MYOM1: variants seen among roughly 807,000 people sequenced by gnomAD.
MYOM1 encodes myomesin-1.
A neutral mutation model predicts 205.3 loss-of-function variants in MYOM1; 164 were observed. That is an observed-to-expected ratio of 0.80 (90% CI 0.70 to 0.91). The LOEUF (loss-of-function observed/expected upper bound fraction) is 0.91. Ranked by LOEUF, MYOM1 falls within the 40% of genes least tolerant of loss-of-function variation. MYOM1 has a pLI of 0.00. For synonymous variants in MYOM1, 772 were observed against 789.4 expected (o/e 0.98, Z 0.37); for missense variants, 2,011 against 2,127.3 (o/e 0.95, Z 1.08).
At chr18:3,185,029 A>G (rs930400667) in intron 5 of MYOM1, among the ~76,000 whole-genome samples, 21 of 152,206 alleles carry the variant, frequency 1.4e-4, no homozygotes, top group African/African-American at 5.1e-4. Context: ...CAGTATTTCT[A>G]TTTTTGAATT....
intron 25 of MYOM1, among the ~76,000 whole-genome samples, chr18:3,097,587 T>C (rs947696098): frequency 6.6e-6 from 1 of 151,790 alleles, no homozygotes; most frequent in African/African-American, 2.4e-5. Context: ...TTTGTATTTT[T>C]GTAGAGATAG....
chr18:3,223,777 T>C (rs984444998), upstream of MYOM1, among the ~76,000 whole-genome samples: 2 of 152,204 alleles, frequency 1.3e-5, no homozygotes, highest in Non-Finnish European at 2.9e-5. Context: ...TCTGAAATAC[T>C]CCTCCCTGAG....
intron 13 of MYOM1, among the ~76,000 whole-genome samples, chr18:3,143,067 G>T (rs997253748): frequency 1.3e-5 from 2 of 152,100 alleles, no homozygotes. Flanking sequence ...CAAGATATAT[G>T]AAGAAAGCTA....
chr18:3,131,032 T>C (rs1360712102), intron 17 of MYOM1, among the ~76,000 whole-genome samples: 1 of 152,192 alleles, frequency 6.6e-6, no homozygotes, highest in East Asian at 1.9e-4. Context: ...ATGATCTGTG[T>C]TATGGGTGAT....
rs1408828857 is a variant in MYOM1, at chr18:3,215,098, G to A, written c.126C>T (p.Gly42=). The change falls in exon 2 of 38, where the codon GGC becomes GGT. Residue 42 remains glycine (G), a synonymous_variant. Transcript: ENST00000356443. Reference sequence around the variant, plus strand: ...AGGAGCGGCTGCTGTAGGCCGTGGAGCCCTGGGTGTAGACGGCGGAGCGTT... The same window carrying A: ...AGGAGCGGCTGCTGTAGGCCGTGGAACCCTGGGTGTAGACGGCGGAGCGTT... ...EKKRSAVYTQ[G]STAYSSRSSA... 6.2e-7 allele frequency: 1 copy of A among 1,613,674 alleles called. No homozygotes were observed. Among genetic ancestry groups the A allele is most frequent in the African/African-American group, 1.3e-5 (1 of 74,946 alleles).
chr18:3,086,503 T>C (rs1567897827), intron 29 of MYOM1, among the ~76,000 whole-genome samples: 1 of 151,242 alleles, frequency 6.6e-6, no homozygotes, highest in East Asian at 1.9e-4. Context: ...CCCATCAGAT[T>C]AAAATACAGG....
intron 19 of MYOM1, among the ~76,000 whole-genome samples, chr18:3,121,287 C>G (rs1305468761): frequency 6.6e-6 from 1 of 152,144 alleles, no homozygotes; most frequent in East Asian, 1.9e-4. Flanking sequence ...CCTCTGCCCC[C>G]TAAAATCCCG....
chr18:3,214,934 C>T lies in MYOM1; in HGVS notation c.290G>A (p.Gly97Glu). ...GGTTGGAGGAGGGCGTCCGACATAC[C>T]CATGGGAGGAGCCATAATCGTAGGC... Reference protein sequence around the residue: ...ASAYDYGSSHGLTDSSLLLDD... With the variant: ...ASAYDYGSSHELTDSSLLLDD... The change falls in exon 2 of 38, where the codon GGA becomes GAA. Residue 97 changes from glycine (G) to glutamate (E), a missense_variant and splice_region_variant. Physicochemically the swap from Gly to Glu is moderately conservative, Grantham distance 98 (BLOSUM62 -2). Coordinates refer to ENST00000356443, the MANE Select transcript of MYOM1 (RefSeq NM_003803.4). 1 of 1,592,310 alleles carries T rather than the reference C, an allele frequency of 6.3e-7. No homozygotes were observed. Among genetic ancestry groups the T allele is most frequent in the Non-Finnish European group, 8.6e-7 (1 of 1,167,388 alleles).
intron 18 of MYOM1, 123 bp from the exon 19 acceptor site, chr18:3,127,020 CTGA>C (rs2079797398): frequency 1.2e-6 from 1 of 818,478 alleles, no homozygotes; most frequent in South Asian, 1.9e-5. Flanking sequence ...AAATTCGAGG[CTGA>C]TGAACTTGGC....
In MYOM1 at chr18:3,119,891, T is replaced by C. The variant is rs2079659880; in HGVS notation, c.3096A>G (p.Glu1032=). 1.2e-6 allele frequency: 2 copies of C among 1,611,242 alleles called. No homozygotes were observed. The highest frequency in any genetic ancestry group is 8.5e-7 in the Non-Finnish European group (1 of 1,178,228). Reference sequence around the variant, plus strand: ...TACCTGGGACGGCGATGGTCCACTCTTCACATTTGAAGCATTCGCTTACTG... The same window carrying C: ...TACCTGGGACGGCGATGGTCCACTCCTCACATTTGAAGCATTCGCTTACTG... ...PSAVSECFKC[E]EWTIAVPGPP... Residue 1032 remains glutamate, a synonymous_variant, in exon 20 of 38, where the codon GAA becomes GAG. Coordinates refer to ENST00000356443, the MANE Select transcript of MYOM1 (RefSeq NM_003803.4).
the MYOM1 span, among the ~76,000 whole-genome samples, chr18:3,230,662 A>T: frequency 1.3e-5 from 2 of 152,196 alleles, no homozygotes; most frequent in Non-Finnish European, 2.9e-5. Context: ...ATCTCAGGCC[A>T]CTACTTCCTT....
chr18:3,183,091 G>A (rs759155264), intron 5 of MYOM1, among the ~76,000 whole-genome samples: 4 of 151,824 alleles, frequency 2.6e-5, no homozygotes, highest in African/African-American at 4.8e-5. Context: ...CACCACACCC[G>A]GCTAATTTTG....
At position 3,124,403 on chromosome 18, in the gene MYOM1, C is replaced by T. The variant is rs1384348167; in HGVS notation, c.2991+2298G>A. On this transcript the variant is annotated intron_variant, in intron 19 of 37. Transcript: ENST00000356443. ...CTGCAAGCTCCGCCTCCCAGGTTCA[C>T]GCCATTCTCCTGCCTCAGCCTCCTG... 2.7e-5 allele frequency among the ~76,000 whole-genome samples: 4 copies of T among 148,858 alleles called. 1 individual carries two copies. Among genetic ancestry groups the T allele is most frequent in the African/African-American group, 5.0e-5 (2 of 39,826 alleles).
intron 12 of MYOM1, 21 bp downstream of exon 12, chr18:3,151,673 T>C: frequency 6.2e-7 from 1 of 1,600,726 alleles, no homozygotes. Context: ...GGGAAGGTCC[T>C]GAAAAATGAA....
At position 3,210,662 on chromosome 18, in the gene MYOM1, T is replaced by C. The variant is rs569064422; in HGVS notation, c.290+4272A>G. Among the ~76,000 whole-genome samples the C allele has an allele frequency of 2.0e-5, 3 of 152,322 alleles. No homozygotes were observed. The South Asian group carries it at 6.2e-4, about 32-fold the overall frequency. On this transcript the variant is annotated intron_variant, in intron 2 of 37. Transcript: ENST00000356443. ...GGTTATTTTGGTATTCAATAGCTTC[T>C]CTAGAAGAAGGCTAAATCAAAGGAA... is the stretch of plus-strand genomic sequence containing the variant.
chr18:3,137,318 C>T (rs768142441), intron 14 of MYOM1, among the ~76,000 whole-genome samples: 11 of 152,132 alleles, frequency 7.2e-5, no homozygotes, highest in Non-Finnish European at 1.5e-4. Context: ...AATCCCACTG[C>T]TGGGTATCTA....
At chr18:3,077,589 G>A (rs531274731) in intron 34 of MYOM1, among the ~76,000 whole-genome samples, 2 of 152,248 alleles carry the variant, frequency 1.3e-5, no homozygotes, top group South Asian at 2.1e-4. Context: ...GGGAATGGCC[G>A]AGCCAATCTG....
chr18:3,080,084 A>G (rs912490475), intron 33 of MYOM1, among the ~76,000 whole-genome samples: 6 of 152,198 alleles, frequency 3.9e-5, no homozygotes, highest in Admixed American at 3.9e-4. Context: ...TGTACTTTTA[A>G]TTATGTTAAA....
At chr18:3,096,141 G>T (rs776151547) in intron 25 of MYOM1, among the ~76,000 whole-genome samples, 1 of 152,144 alleles carries the variant, frequency 6.6e-6, no homozygotes, top group Admixed American at 6.5e-5. Flanking sequence ...AGCAAATGTG[G>T]CCGTGCCTAC....
Sources: gnomAD v4.1 joint callset for allele counts (sites outside exome capture counted in the v4.1 genomes callset) on GRCh38, gnomAD v4.1.1 for gene constraint, MANE v1.5 for transcripts, NCBI Gene and HGNC (gene_info 2026-07-23, HGNC 2026-07-21) for gene names.